The following GRIA4 variants were observed in gnomAD, a reference collection of about 807,000 sequenced individuals.
GRIA4 encodes the protein glutamate receptor 4.
A neutral mutation model predicts 104.0 loss-of-function variants in GRIA4; 34 were observed. The observed-to-expected ratio is 0.33, with a 90% CI of 0.25 to 0.44. The LOEUF (loss-of-function observed/expected upper bound fraction) is 0.44, where lower values mean the gene tolerates loss of function less well. Among genes scored for constraint, GRIA4 ranks in the 20% least tolerant of loss-of-function variants. The pLI is 1.00. For synonymous variants in GRIA4, 386 were observed against 381.9 expected, an observed-to-expected ratio of 1.01 and a Z score of -0.13; for missense variants, 750 against 1,096.5, an observed-to-expected ratio of 0.68 and a Z score of 4.46.
chr11:105,811,195 G>C (rs1943158784), intron 4 of GRIA4, among the ~76,000 whole-genome samples: 1 of 152,100 alleles, frequency 6.6e-6, no homozygotes, highest in Non-Finnish European at 1.5e-5. Flanking sequence ...GGGCTGCAGG[G>C]AACACAGCAG....
intron 14 of GRIA4, chr11:105,965,921 T>TA: frequency 6.7e-7 from 1 of 1,485,050 alleles, no homozygotes; most frequent in Non-Finnish European, 9.4e-7. Flanking sequence ...TGCAGTTTCT[T>TA]ACAAAATATG....
chr11:105,806,516 C>A (rs1236888969), intron 4 of GRIA4, among the ~76,000 whole-genome samples: 1 of 151,792 alleles, frequency 6.6e-6, no homozygotes, highest in Non-Finnish European at 1.5e-5. Context: ...AGGTAAATGG[C>A]ATTTGCCCAC....
chr11:105,620,912 G>A (rs916751944), intron 3 of GRIA4, among the ~76,000 whole-genome samples: 4 of 151,660 alleles, frequency 2.6e-5, no homozygotes, highest in East Asian at 3.9e-4. Flanking sequence ...ATTTTTTGGG[G>A]GGGGTCATAT....
chr11:105,697,008 T>C (rs1011063292), intron 3 of GRIA4, among the ~76,000 whole-genome samples: 5 of 152,136 alleles, frequency 3.3e-5, no homozygotes, highest in African/African-American at 1.2e-4. Context: ...AGGTTATCTG[T>C]CTGCTTTGGC....
At chr11:105,634,640 G>A (rs1379233105) in intron 3 of GRIA4, among the ~76,000 whole-genome samples, 13 of 151,988 alleles carry the variant, frequency 8.6e-5, no homozygotes, top group African/African-American at 2.4e-4. Context: ...AAGGACCCTC[G>A]ACCAGAAATC....
At chr11:105,620,418 T>G (rs1284480689) in intron 3 of GRIA4, among the ~76,000 whole-genome samples, 1 of 151,826 alleles carries the variant, frequency 6.6e-6, no homozygotes, top group Non-Finnish European at 1.5e-5. Flanking sequence ...GCATCTGAAT[T>G]TAAAGTCAGT....
chr11:105,811,002 A>G (rs1943150634), intron 4 of GRIA4, among the ~76,000 whole-genome samples: 1 of 152,188 alleles, frequency 6.6e-6, no homozygotes, highest in South Asian at 2.1e-4. Context: ...TCCTTATTGT[A>G]GTGCTACAAT....
At chr11:105,620,130 T>C (rs546755516) in intron 3 of GRIA4, among the ~76,000 whole-genome samples, 6 of 151,930 alleles carry the variant, frequency 3.9e-5, no homozygotes, top group Admixed American at 1.3e-4. Flanking sequence ...TTGAAGGTCA[T>C]CAGTGACTTA....
intron 3 of GRIA4, among the ~76,000 whole-genome samples, chr11:105,620,692 C>T (rs1392020552): frequency 1.3e-5 from 2 of 151,754 alleles, no homozygotes; most frequent in Admixed American, 1.3e-4. Context: ...TTTATATTGC[C>T]AAATTCATGT....
chr11:105,866,246 A>G (rs576720908), intron 5 of GRIA4, among the ~76,000 whole-genome samples: 1 of 152,268 alleles, frequency 6.6e-6, no homozygotes, highest in East Asian at 1.9e-4. Flanking sequence ...TGCTGTCTCT[A>G]AAAGTCAATA....
chr11:105,650,171 T>A (rs577270775), intron 3 of GRIA4, among the ~76,000 whole-genome samples: 3 of 152,338 alleles, frequency 2.0e-5, no homozygotes, highest in East Asian at 3.9e-4. Flanking sequence ...TTTACAAATG[T>A]TTCAAAATTA....
chr11:105,702,477 C>A (rs1341690577), intron 3 of GRIA4, among the ~76,000 whole-genome samples: 2 of 150,900 alleles, frequency 1.3e-5, no homozygotes, highest in East Asian at 1.9e-4. Context: ...TAATGAAAAA[C>A]CAAAGAATAG....
At chr11:105,693,061 C>T (rs942290149) in intron 3 of GRIA4, among the ~76,000 whole-genome samples, 5 of 152,148 alleles carry the variant, frequency 3.3e-5, no homozygotes, top group African/African-American at 7.2e-5. Context: ...CTTTGCACCG[C>T]TTTATGTTAT....
At chr11:105,796,512 T>A (rs935701613) in intron 4 of GRIA4, among the ~76,000 whole-genome samples, 2 of 152,172 alleles carry the variant, frequency 1.3e-5, no homozygotes, top group South Asian at 2.1e-4. Flanking sequence ...TACTGTGTCA[T>A]TACTGTAATT....
At chr11:105,818,018 A>G (rs956136289) in intron 4 of GRIA4, among the ~76,000 whole-genome samples, 1 of 152,166 alleles carries the variant, frequency 6.6e-6, no homozygotes, top group Non-Finnish European at 1.5e-5. Context: ...GAAGAAAAAT[A>G]AATGGAAATA....
Position 105,612,430 on chromosome 11 carries a change from C to CTGTTT in GRIA4, c.243_244insTGTTT (p.Ala82CysfsTer27). The CTGTTT allele has an allele frequency of 6.2e-7, 1 of 1,613,606 alleles. No homozygotes were observed. The highest frequency in any genetic ancestry group is 1.1e-5 in the South Asian group (1 of 91,060). On this transcript the variant is annotated frameshift_variant, in exon 3 of 17. Transcript: ENST00000282499. LOFTEE classifies it high-confidence loss of function. ...CAGCCAACAGTTTTGCTGTAACAAA[C>CTGTTT]GCCTGTAAGTAAAACATAAGCTATG...
intron 3 of GRIA4, among the ~76,000 whole-genome samples, chr11:105,695,550 T>C (rs1452010750): frequency 6.6e-6 from 1 of 151,924 alleles, no homozygotes; most frequent in Non-Finnish European, 1.5e-5. Flanking sequence ...TGTCTTGCTT[T>C]TCCAATTAGT....
intron 14 of GRIA4, chr11:105,965,848 T>C (rs935515098): frequency 4.7e-6 from 4 of 847,016 alleles, no homozygotes; most frequent in Non-Finnish European, 7.8e-6. Context: ...GAGGTTTATT[T>C]AGCGTCTGGG....
chr11:105,903,841 G>A lies in GRIA4; in HGVS notation c.913G>A (p.Val305Ile), dbSNP rs1396543770. 3 of 1,610,992 alleles carry A rather than the reference G, an allele frequency of 1.9e-6. No individual in the cohort carries two copies. In the South Asian group the frequency reaches 3.3e-5, roughly 18 times the overall value. ...KYTSALTYDG[V>I]LVMAETFRSL... The stretch of plus-strand genomic sequence containing the variant: ...CACCTCTGCTCTGACTTATGATGGA[G>A]TCCTTGTGATGGCTGAAACTTTCCG... Residue 305 changes from valine to isoleucine, a missense_variant, in exon 8 of 17, where the codon GTC becomes ATC. Val to Ile is a conservative substitution (Grantham distance 29). Coordinates refer to ENST00000282499, the MANE Select transcript of GRIA4 (RefSeq NM_000829.4).
Sources: allele counts gnomAD v4.1 joint callset (sites outside exome capture counted in the v4.1 genomes callset), GRCh38; gene constraint gnomAD v4.1.1; transcripts MANE v1.5; gene names NCBI Gene and HGNC (gene_info 2026-07-23, HGNC 2026-07-21).